The following QKI variants were observed in gnomAD, a reference collection of about 807,000 sequenced individuals.
QKI encodes the protein QKI, KH domain containing RNA binding.
QKI carries 10 observed loss-of-function variants against 39.0 expected under a neutral mutation model. That is an observed-to-expected ratio of 0.26 (90% confidence interval 0.16 to 0.43). QKI has a LOEUF of 0.43. QKI is among the 20% of genes least tolerant of loss of function. The probability of loss-of-function intolerance (pLI) is 1.00; values close to 1 mark genes in which losing one functional copy is unlikely to be tolerated. For synonymous variants in QKI, 204 were observed against 155.4 expected (o/e 1.31, Z -2.33); for missense variants, 218 against 428.0 (o/e 0.51, Z 4.33).
intron 2 of QKI, among the ~76,000 whole-genome samples, chr6:163,466,564 A>G (rs766636811): frequency 2.3e-4 from 35 of 152,306 alleles, no homozygotes; most frequent in South Asian, 8.3e-4. Flanking sequence ...TCTCAGAAAT[A>G]AACCTATGAA....
intron 4 of QKI, among the ~76,000 whole-genome samples, chr6:163,548,562 A>AT (rs1240854337): frequency 6.6e-6 from 1 of 152,226 alleles, no homozygotes; most frequent in East Asian, 1.9e-4. Flanking sequence ...TATATAAATT[A>AT]TGGCAGTAAA....
At chr6:163,428,786 T>A (rs1049914519) in intron 1 of QKI, among the ~76,000 whole-genome samples, 5 of 151,924 alleles carry the variant, frequency 3.3e-5, no homozygotes, top group Admixed American at 3.3e-4. Flanking sequence ...TTTAAAATAC[T>A]CTTGCCTTCA....
chr6:163,556,978 T>A (rs557401919), intron 4 of QKI, among the ~76,000 whole-genome samples: 1 of 152,294 alleles, frequency 6.6e-6, no homozygotes. Context: ...GCAACTCTAC[T>A]CATAGGTATT....
At chr6:163,517,534 C>T (rs935901007) in intron 3 of QKI, among the ~76,000 whole-genome samples, 1 of 152,142 alleles carries the variant, frequency 6.6e-6, no homozygotes, top group East Asian at 1.9e-4. Context: ...TCTCCTGCCT[C>T]AGCCTCCAAA....
chr6:163,563,753 C>A, intron 6 of QKI, 34 bp downstream of exon 6: 1 of 1,572,122 alleles, frequency 6.4e-7, no homozygotes, highest in Non-Finnish European at 8.6e-7. Context: ...TAACAACATT[C>A]TCTTTATAAA....
intron 1 of QKI, among the ~76,000 whole-genome samples, chr6:163,444,248 A>G (rs1448782536): frequency 6.6e-6 from 1 of 152,196 alleles, no homozygotes; most frequent in Non-Finnish European, 1.5e-5. Flanking sequence ...AAAGAGATGC[A>G]TTTTAGGGCA....
intron 3 of QKI, among the ~76,000 whole-genome samples, chr6:163,512,386 A>C (rs191098322): frequency 7.9e-5 from 12 of 151,730 alleles, no homozygotes; most frequent in Middle Eastern, 3.4e-3. Context: ...GAAAAGAAGA[A>C]GACTTTCTTA....
chr6:163,433,442 A>G (rs1486158816), intron 1 of QKI, among the ~76,000 whole-genome samples: 1 of 152,204 alleles, frequency 6.6e-6, no homozygotes, highest in African/African-American at 2.4e-5. Context: ...ATATCCTAAC[A>G]GTATAAATAT....
chr6:163,468,556 T>C (rs1401185755), intron 2 of QKI, among the ~76,000 whole-genome samples: 2 of 152,210 alleles, frequency 1.3e-5, no homozygotes, highest in Non-Finnish European at 2.9e-5. Context: ...TAAAATGAAG[T>C]GTGAGCAGCA....
chr6:163,468,585 A>G (rs549840814), intron 2 of QKI, among the ~76,000 whole-genome samples: 1 of 152,296 alleles, frequency 6.6e-6, no homozygotes, highest in East Asian at 1.9e-4. Context: ...CATTAGACAT[A>G]ATTGTTGTTA....
chr6:163,430,748 G>A (rs1320319920), intron 1 of QKI, among the ~76,000 whole-genome samples: 3 of 152,146 alleles, frequency 2.0e-5, no homozygotes, highest in Non-Finnish European at 4.4e-5. Flanking sequence ...TATAGGTTAG[G>A]TTGGAAGTGA....
chr6:163,434,043 C>T (rs1016091713), intron 1 of QKI, among the ~76,000 whole-genome samples: 2 of 152,018 alleles, frequency 1.3e-5, no homozygotes, highest in African/African-American at 2.4e-5. Context: ...AAACCGATGT[C>T]GATTCCTGCT....
At chr6:163,487,979 C>T (rs1469720482) in intron 3 of QKI, among the ~76,000 whole-genome samples, 1 of 151,892 alleles carries the variant, frequency 6.6e-6, no homozygotes, top group African/African-American at 2.4e-5. Flanking sequence ...ATGTTTAATT[C>T]TTTATTTGCT....
intron 3 of QKI, among the ~76,000 whole-genome samples, chr6:163,480,064 G>A (rs983905383): frequency 1.3e-5 from 2 of 152,078 alleles, no homozygotes; most frequent in African/African-American, 4.8e-5. Flanking sequence ...AATTAGTAAA[G>A]ACCCAACTAT....
chr6:163,417,134 T>C (rs1321803802), intron 1 of QKI, among the ~76,000 whole-genome samples: 8 of 152,192 alleles, frequency 5.3e-5, no homozygotes, highest in African/African-American at 1.7e-4. Flanking sequence ...GAAAATACTT[T>C]CCTTAAAATT....
chr6:163,463,027 A>G (rs1411587403), intron 2 of QKI, among the ~76,000 whole-genome samples: 1 of 152,212 alleles, frequency 6.6e-6, no homozygotes, highest in Non-Finnish European at 1.5e-5. Flanking sequence ...TGATTATCTG[A>G]AATGATACAG....
At chr6:163,564,419 T>C (rs73023327) in intron 6 of QKI, 596 of 1,370,090 alleles carry the variant, frequency 4.4e-4, no homozygotes, top group Middle Eastern at 5.5e-4. Context: ...AATGTTGTTA[T>C]GCAGGCATGA....
At chr6:163,517,063 CTCTCTCTCTCTCTCTCTT>C (rs1168334979) in intron 3 of QKI, among the ~76,000 whole-genome samples, 81 of 76,268 alleles carry the variant, frequency 1.1e-3, no homozygotes, top group African/African-American at 5.3e-3. Context: ...CACTCACTCT[CTCTCTCTCTCTCTCTCTT>C]TCTCTCTCTC....
chr6:163,565,992 C>A, intron 6 of QKI: 2 of 1,612,528 alleles, frequency 1.2e-6, no homozygotes, highest in Non-Finnish European at 1.7e-6. Flanking sequence ...ACGGTCTTAA[C>A]TGAACCCTCA....
Sources: allele counts gnomAD v4.1 joint callset (sites outside exome capture counted in the v4.1 genomes callset), GRCh38; gene constraint gnomAD v4.1.1; transcripts MANE v1.5; gene names NCBI Gene and HGNC (gene_info 2026-07-23, HGNC 2026-07-21).